Variants in CYFIP2 observed in about 807,000 individuals in gnomAD.
CYFIP2 encodes the protein cytoplasmic FMR1 interacting protein 2, also known as cytoplasmic FMR1-interacting protein 2.
In CYFIP2, 29 loss-of-function variants were observed where a neutral mutation model predicts 158.7. The ratio of observed to expected loss-of-function variants is 0.18; its 90% CI spans 0.14 to 0.25. CYFIP2 has a LOEUF of 0.25. Among genes scored for constraint, CYFIP2 ranks in the 10% least tolerant of loss-of-function variants. The pLI is 1.00. For synonymous variants in CYFIP2, 585 were observed against 617.6 expected, an observed-to-expected ratio of 0.95 and a Z score of 0.78; for missense variants, 852 against 1,639.5, an observed-to-expected ratio of 0.52 and a Z score of 8.29.
intron 4 of CYFIP2, 144 bp downstream of exon 4, chr5:157,295,004 G>A: frequency 1.7e-6 from 1 of 580,978 alleles, no homozygotes; most frequent in East Asian, 2.8e-5. Flanking sequence ...GAACCTGGAA[G>A]ACATTCAGAG....
chr5:157,313,816 G>A (rs1324348167), intron 11 of CYFIP2, among the ~76,000 whole-genome samples: 2 of 152,186 alleles, frequency 1.3e-5, no homozygotes, highest in Non-Finnish European at 1.5e-5. Flanking sequence ...CTTTCAATCA[G>A]TGATTCATGT....
At chr5:157,275,141 G>T (rs1388225404) in intron 1 of CYFIP2, among the ~76,000 whole-genome samples, 2 of 151,980 alleles carry the variant, frequency 1.3e-5, no homozygotes, top group African/African-American at 4.8e-5. Flanking sequence ...CTATTCTGTG[G>T]ACTTACTTTC....
At chr5:157,357,930 T>C (rs1412066508) in intron 23 of CYFIP2, among the ~76,000 whole-genome samples, 1 of 152,172 alleles carries the variant, frequency 6.6e-6, no homozygotes, top group Admixed American at 6.5e-5. Context: ...TACACCATGA[T>C]AGGTGGAGCA....
At chr5:157,391,772 A>G (rs1767312942) in intron 30 of CYFIP2, among the ~76,000 whole-genome samples, 1 of 152,186 alleles carries the variant, frequency 6.6e-6, no homozygotes, top group African/African-American at 2.4e-5. Flanking sequence ...TCTGCTTTCC[A>G]TTCTTTTGAG....
At chr5:157,332,112 C>T (rs1036967608) in intron 20 of CYFIP2, among the ~76,000 whole-genome samples, 1 of 152,136 alleles carries the variant, frequency 6.6e-6, no homozygotes, top group Admixed American at 6.5e-5. Flanking sequence ...AGAAAGAACC[C>T]CAGGGCTAAA....
chr5:157,324,910 A>T (rs1397817609), intron 16 of CYFIP2: 2 of 152,078 alleles, frequency 1.3e-5, no homozygotes, highest in Non-Finnish European at 1.5e-5. Flanking sequence ...GGTTCAAAGA[A>T]TCCTTCTGCT....
chr5:157,365,649 A>C (rs146164947), intron 26 of CYFIP2: 1 of 152,004 alleles, frequency 6.6e-6, no homozygotes, highest in African/African-American at 2.4e-5. Flanking sequence ...CATTTATAGT[A>C]CCATAGATGG....
chr5:157,293,064 A>ATGTG (rs1393710851), intron 3 of CYFIP2, among the ~76,000 whole-genome samples: 3 of 131,672 alleles, frequency 2.3e-5, no homozygotes, highest in Middle Eastern at 3.9e-3. Flanking sequence ...GTATGTATGT[A>ATGTG]TGTGTGTTTG....
In CYFIP2 at chr5:157,393,207, G is replaced by GAA. The variant is rs3052310; in HGVS notation, c.*223_*224dup. ...ATGCTGGTTTCTCCATAGCATAAAT[G>GAA]AAAAAAAAAAAAAAAAAGTAAACAG... On this transcript the variant is annotated 3_prime_UTR_variant, in exon 31 of 31. Coordinates refer to ENST00000620254, the MANE Select transcript of CYFIP2 (RefSeq NM_001037333.3). 7.1e-3 allele frequency: 1,990 copies of GAA among 279,788 alleles called. 3 individuals carry two copies. The highest frequency in any genetic ancestry group is 0.012 in the Middle Eastern group (12 of 1,008). 17.3% of individuals were successfully genotyped at this position (279,788 alleles called of 1,614,324 possible).
At chr5:157,289,811 A>C (rs1561694193) in intron 3 of CYFIP2, among the ~76,000 whole-genome samples, 1 of 152,250 alleles carries the variant, frequency 6.6e-6, no homozygotes, top group Non-Finnish European at 1.5e-5. Context: ...TAGTTTATTT[A>C]ATAAAAAATT....
intron 1 of CYFIP2, among the ~76,000 whole-genome samples, chr5:157,268,876 A>C (rs1755844863): frequency 6.6e-6 from 1 of 152,220 alleles, no homozygotes; most frequent in Admixed American, 6.5e-5. Context: ...GAAGGGGGGC[A>C]GGCTGCTGCC....
intron 13 of CYFIP2, 27 bp from the exon 14 acceptor site, chr5:157,319,735 C>T: frequency 6.2e-7 from 1 of 1,611,830 alleles, no homozygotes; most frequent in Non-Finnish European, 8.5e-7. Context: ...ACATGGTGAA[C>T]ATGACCCTTG....
chr5:157,307,136 AAG>A (rs1316795562), intron 8 of CYFIP2, among the ~76,000 whole-genome samples: 7 of 152,182 alleles, frequency 4.6e-5, no homozygotes, highest in African/African-American at 1.7e-4. Context: ...CAAATTCAGG[AAG>A]AGATTTTTTT....
intron 23 of CYFIP2, chr5:157,342,234 G>A (rs1762321985): frequency 6.6e-6 from 1 of 152,528 alleles, no homozygotes; most frequent in African/African-American, 2.4e-5. Context: ...TTCACTTATG[G>A]AGTAATATAA....
At chr5:157,327,601 A>G (rs1404098017) in intron 18 of CYFIP2, among the ~76,000 whole-genome samples, 1 of 151,984 alleles carries the variant, frequency 6.6e-6, no homozygotes, top group Admixed American at 6.5e-5. Flanking sequence ...GAAAAATACA[A>G]TGAAAATAAC....
chr5:157,362,535 AACTC>A (rs1435630832), intron 26 of CYFIP2: 3 of 152,242 alleles, frequency 2.0e-5, no homozygotes, highest in African/African-American at 7.2e-5. Context: ...CCCTTGAAGA[AACTC>A]AAGATTTTAT....
rs1004386023 is a variant in CYFIP2, at chr5:157,361,634, A to C, written c.3039+36A>C. On this transcript the variant is annotated intron_variant, in intron 26 of 30. Transcript: ENST00000620254. The surrounding 1 kb of genome is among the most constrained non-coding windows in gnomAD (Gnocchi z 4.4). Reference sequence around the variant, plus strand: ...AGCCCAAAGGAAGTGGGGTGTCTCCAGGTTGGAGGGGATGCCAACCCCAAG... The same window carrying C: ...AGCCCAAAGGAAGTGGGGTGTCTCCCGGTTGGAGGGGATGCCAACCCCAAG... 5 of 1,612,746 alleles carry C rather than the reference A, an allele frequency of 3.1e-6. No individual in the cohort carries two copies. In the Admixed American group the frequency reaches 5.0e-5, roughly 16 times the overall value.
intron 27 of CYFIP2, 59 bp downstream of exon 27, chr5:157,382,721 C>G (rs1766251229): frequency 3.3e-6 from 5 of 1,530,622 alleles, no homozygotes; most frequent in Admixed American, 1.7e-5. Context: ...ATTCTCACTT[C>G]CTAATTGCAG....
intron 11 of CYFIP2, among the ~76,000 whole-genome samples, chr5:157,313,682 C>T (rs1004233588): frequency 1.3e-5 from 2 of 152,046 alleles, no homozygotes; most frequent in Non-Finnish European, 2.9e-5. Context: ...ATACAGAATC[C>T]GCCAATAATG....
Sources: allele counts gnomAD v4.1 joint callset (sites outside exome capture counted in the v4.1 genomes callset), GRCh38; gene constraint gnomAD v4.1.1; non-coding constraint Gnocchi (gnomAD v3.1); transcripts MANE v1.5; gene names NCBI Gene and HGNC (gene_info 2026-07-23, HGNC 2026-07-21).